The following TRMT112 variants were observed in gnomAD, a reference collection of about 807,000 sequenced individuals.
TRMT112 encodes the protein multifunctional methyltransferase subunit TRM112-like protein.
In TRMT112, 9 loss-of-function variants were observed where a neutral mutation model predicts 13.8. The ratio of observed to expected loss-of-function variants is 0.65; its 90% CI spans 0.39 to 1.14. TRMT112 has a LOEUF of 1.14. Ranked by LOEUF, TRMT112 falls within the 50% of genes most tolerant of loss-of-function variation. TRMT112 has a pLI of 0.01. For missense variants in TRMT112, 196 were observed against 165.5 expected (o/e 1.18, Z -1.01); for synonymous variants, 64 against 67.0 (o/e 0.96, Z 0.22).
At position 64,317,348 on chromosome 11, in the gene TRMT112, G is replaced by C. The variant is rs1427782961; in HGVS notation, c.96C>G (p.Ile32Met). 6.2e-7 allele frequency: 1 copy of C among 1,614,210 alleles called. No individual in the cohort carries two copies. Among genetic ancestry groups the C allele is most frequent in the Non-Finnish European group, 8.5e-7 (1 of 1,180,030 alleles). Reference sequence around the variant, plus strand: ...AGTTGGGGTTGAATTCCACAGGGCAGATACGGACCTCGGTGGCCTGCAGGG... The same window carrying C: ...AGTTGGGGTTGAATTCCACAGGGCACATACGGACCTCGGTGGCCTGCAGGG... ...PLRLQATEVRICPVEFNPNFV... is the reference protein window; with the variant it reads ...PLRLQATEVRMCPVEFNPNFV... Residue 32 changes from isoleucine to methionine, a missense_variant, in exon 2 of 4, where the codon ATC becomes ATG. Coordinates refer to ENST00000544844, the MANE Select transcript of TRMT112 (RefSeq NM_016404.3).
chr11:64,318,189 C>G (rs1185685619), upstream of TRMT112: 1 of 1,609,852 alleles, frequency 6.2e-7, no homozygotes, highest in Non-Finnish European at 8.5e-7. Context: ...AGCCAGGAGG[C>G]GGAGTGGAAG....
rs756072304 is a variant in TRMT112 at position 64,317,554 on chromosome 11, G to A, written c.-28C>T. The A allele has an allele frequency of 2.0e-6, 3 of 1,518,480 alleles. No homozygotes were observed. The highest frequency in any genetic ancestry group is 1.2e-5 in the South Asian group (1 of 80,312). The allele number at this position is 1,518,480 out of a possible 1,614,324, so 94.1% of individuals were successfully genotyped here. A position where few individuals can be genotyped will look rare whatever the true frequency, so the allele number is the denominator to read the frequency against. On this transcript the variant is annotated 5_prime_UTR_variant, in exon 1 of 4. Coordinates refer to ENST00000544844, the MANE Select transcript of TRMT112 (RefSeq NM_016404.3). ...CGCCGCACAAACTCTCGCCAGGCCGGAACCGGAAAAAGGTCGTCCTCCGCT... is the reference window on the plus strand; with the variant it reads ...CGCCGCACAAACTCTCGCCAGGCCGAAACCGGAAAAAGGTCGTCCTCCGCT...
In TRMT112 at chr11:64,317,502, G is replaced by A. The variant is rs1422920062; in HGVS notation, c.25C>T (p.Leu9=). The change falls in exon 1 of 4, where the codon CTG becomes TTG. Residue 9 remains leucine (L), a synonymous_variant. Transcript: ENST00000544844. ...CCCACCCCCCGCACATGCGAGCTCA[G>A]CAGATTGTGGGTAAGCAGTTTCATG... is the stretch of plus-strand genomic sequence containing the variant. MKLLTHNL[L]SSHVRGVGSR... 1.3e-6 allele frequency: 2 copies of A among 1,598,836 alleles called. No individual in the cohort carries two copies. The highest frequency in any genetic ancestry group is 1.1e-5 in the South Asian group (1 of 89,684).
chr11:64,318,121 C>T (rs1011956005), upstream of TRMT112: 9 of 1,541,988 alleles, frequency 5.8e-6, no homozygotes, highest in African/African-American at 1.4e-5. Context: ...CCAGGCCCGC[C>T]TTCCGCAGGG....
At chr11:64,317,878 C>T, upstream of TRMT112, 3 of 1,243,640 alleles carry the variant, frequency 2.4e-6, no homozygotes, top group Admixed American at 3.6e-5. Flanking sequence ...CTAACACCGT[C>T]GTCCTCTGTA....
chr11:64,318,446 C>G, upstream of TRMT112: 4 of 1,538,062 alleles, frequency 2.6e-6, no homozygotes, highest in Non-Finnish European at 3.5e-6. Context: ...ATCCCCGTCC[C>G]GCTAGTCTGA....
chr11:64,317,384 T>G lies in TRMT112; in HGVS notation c.79-19A>C, dbSNP rs140189524. ...CGGTGGCCTGCAGGGCGGAGGAGTT[T>G]AGGCAAGCACTGGACCCCGGCCCAC... On this transcript the variant is annotated intron_variant, in intron 1 of 3. Coordinates refer to ENST00000544844, the MANE Select transcript of TRMT112 (RefSeq NM_016404.3). 1.1e-5 allele frequency: 17 copies of G among 1,613,940 alleles called. No individual in the cohort carries two copies. The African/African-American group carries it at 1.1e-4, about 10-fold the overall frequency.
chr11:64,317,717 CG>C, upstream of TRMT112: 1 of 754,120 alleles, frequency 1.3e-6, no homozygotes, highest in Non-Finnish European at 2.1e-6. Flanking sequence ...GCGCCGCTAC[CG>C]GAAGCGTCTC....
intron 3 of TRMT112, 22 bp from the exon 4 acceptor site, chr11:64,316,990 G>A (rs1461774791): frequency 6.2e-7 from 1 of 1,611,870 alleles, no homozygotes; most frequent in East Asian, 2.2e-5. Flanking sequence ...GAGGGACAGA[G>A]CTGAGCACTG....
At position 64,317,443 on chromosome 11, in the gene TRMT112, G is replaced by C; in HGVS notation, c.78+6C>G. 1 of 1,612,218 alleles carries C rather than the reference G, an allele frequency of 6.2e-7. No individual in the cohort carries two copies. The highest frequency in any genetic ancestry group is 8.5e-7 in the Non-Finnish European group (1 of 1,179,102). On this transcript the variant is annotated splice_donor_region_variant and intron_variant, in intron 1 of 3. Coordinates refer to ENST00000544844, the MANE Select transcript of TRMT112 (RefSeq NM_016404.3). ...CCGAAAAGGGAAGACTGCCGCCGGC[G>C]GGTACCTGGAGGCGCAGGGGGAAGC...
chr11:64,316,954 C>T lies in TRMT112; in HGVS notation c.285G>A (p.Glu95=), dbSNP rs1287323877. The T allele has an allele frequency of 3.1e-6, 5 of 1,613,326 alleles. No individual in the cohort carries two copies. Among genetic ancestry groups the T allele is most frequent in the African/African-American group, 2.7e-5 (2 of 74,914 alleles). Residue 95 remains glutamate, a synonymous_variant, in exon 4 of 4, where the codon GAG becomes GAA. Transcript: ENST00000544844. ...HHLLLEVEVI[E]GTLQCPESGR... ...CAGATTCCGGGCACTGCAGGGTGCCCTCTATCACTTCCACCTGCGGGCAGG... is the reference window on the plus strand; with the variant it reads ...CAGATTCCGGGCACTGCAGGGTGCCTTCTATCACTTCCACCTGCGGGCAGG...
chr11:64,317,921 C>T, upstream of TRMT112: 4 of 1,370,210 alleles, frequency 2.9e-6, no homozygotes, highest in South Asian at 1.6e-5. Flanking sequence ...GAAATACCGC[C>T]CTATCTGTAA....
chr11:64,317,532 C>T lies in TRMT112; in HGVS notation c.-6G>A, dbSNP rs994009920. 7.1e-6 allele frequency: 11 copies of T among 1,556,754 alleles called. No homozygotes were observed. Among genetic ancestry groups the T allele is most frequent in the Non-Finnish European group, 8.7e-6 (10 of 1,145,066 alleles). ...TTGTGGGTAAGCAGTTTCATGTCGC[C>T]GCACAAACTCTCGCCAGGCCGGAAC... On this transcript the variant is annotated 5_prime_UTR_variant, in exon 1 of 4. Transcript: ENST00000544844.
At chr11:64,318,018 G>A, upstream of TRMT112, 2 of 1,413,746 alleles carry the variant, frequency 1.4e-6, no homozygotes, top group East Asian at 2.7e-5. Context: ...ATTTGTAGTT[G>A]CGTCGGCTGT....
chr11:64,317,094 C>T lies in TRMT112; in HGVS notation c.234G>A (p.Glu78=), dbSNP rs781565056. 7.4e-6 allele frequency: 12 copies of T among 1,614,172 alleles called. No homozygotes were observed. The highest frequency in any genetic ancestry group is 3.3e-5 in the Admixed American group (2 of 60,020). ...KGPVEGYEEN[E]EFLRTMHHLL... ...GGTGGTGCATGGTCCTCAGAAACTCCTCATTCTCCTCATATCCCTCAACCG... is the reference window on the plus strand; with the variant it reads ...GGTGGTGCATGGTCCTCAGAAACTCTTCATTCTCCTCATATCCCTCAACCG... The change falls in exon 3 of 4, where the codon GAG becomes GAA. Residue 78 remains glutamate, a synonymous_variant. Transcript: ENST00000544844.
chr11:64,317,356 C>G lies in TRMT112; in HGVS notation c.88G>C (p.Val30Leu). ...GFPLRLQATE[V>L]RICPVEFNPN... ...TTGAATTCCACAGGGCAGATACGGACCTCGGTGGCCTGCAGGGCGGAGGAG... is the reference window on the plus strand; with the variant it reads ...TTGAATTCCACAGGGCAGATACGGAGCTCGGTGGCCTGCAGGGCGGAGGAG... The change falls in exon 2 of 4, where the codon GTC (valine) becomes CTC (leucine). Residue 30 changes from valine to leucine, a missense_variant. Coordinates refer to ENST00000544844, the MANE Select transcript of TRMT112 (RefSeq NM_016404.3). 1 of 1,614,190 alleles carries G rather than the reference C, an allele frequency of 6.2e-7. No individual in the cohort carries two copies. The highest frequency in any genetic ancestry group is 8.5e-7 in the Non-Finnish European group (1 of 1,180,032).
At chr11:64,317,810 G>C, upstream of TRMT112, 1 of 793,716 alleles carries the variant, frequency 1.3e-6, no homozygotes, top group African/African-American at 1.8e-5. Context: ...CAAAATAGCT[G>C]CAATGCAGGA....
At chr11:64,318,158 C>G, upstream of TRMT112, 2 of 1,602,630 alleles carry the variant, frequency 1.2e-6, no homozygotes, top group Non-Finnish European at 8.5e-7. Context: ...CTAGCGGTGC[C>G]CCGCCTGCTG....
At chr11:64,318,249 T>C (rs1387119889), upstream of TRMT112, 23 of 1,611,998 alleles carry the variant, frequency 1.4e-5, no homozygotes, top group Non-Finnish European at 1.9e-5. Context: ...CCTGAGACGC[T>C]CAGCGGGCTA....
Sources: allele counts gnomAD v4.1 joint callset, GRCh38; gene constraint gnomAD v4.1.1; transcripts MANE v1.5; gene names NCBI Gene and HGNC (gene_info 2026-07-23, HGNC 2026-07-21).